EBPL: variants seen among roughly 807,000 people sequenced by gnomAD.
The protein encoded by EBPL is emopamil-binding protein-like.
In EBPL, 20 loss-of-function variants were observed where a neutral mutation model predicts 19.0. That is an observed-to-expected ratio of 1.05 (90% CI 0.74 to 1.53). The LOEUF (loss-of-function observed/expected upper bound fraction) is 1.53. Ranked by LOEUF, EBPL falls within the 40% of genes most tolerant of loss-of-function variation. The probability of loss-of-function intolerance (pLI) is 0.00; values close to 1 mark genes in which losing one functional copy is unlikely to be tolerated. For synonymous variants in EBPL, 107 were observed against 117.0 expected, an observed-to-expected ratio of 0.91 and a Z score of 0.55; for missense variants, 219 against 261.1, an observed-to-expected ratio of 0.84 and a Z score of 1.11.
At chr13:49,682,386 T>C (rs559290861) in intron 1 of EBPL, among the ~76,000 whole-genome samples, 142 of 152,224 alleles carry the variant, frequency 9.3e-4, no homozygotes, top group Admixed American at 1.1e-3. Flanking sequence ...CTCATCTTAA[T>C]TGGACATATA....
At chr13:49,663,809 C>T (rs1406682803) in intron 2 of EBPL, among the ~76,000 whole-genome samples, 2 of 151,900 alleles carry the variant, frequency 1.3e-5, no homozygotes, top group Non-Finnish European at 2.9e-5. Flanking sequence ...TGGTGGCGGG[C>T]ACCTGCAGTC....
At chr13:49,677,986 G>A (rs1953895141) in intron 1 of EBPL, among the ~76,000 whole-genome samples, 1 of 151,480 alleles carries the variant, frequency 6.6e-6, no homozygotes, top group African/African-American at 2.4e-5. Context: ...AAAATTTATT[G>A]CAAAGAGCTA....
intron 1 of EBPL, among the ~76,000 whole-genome samples, chr13:49,682,297 C>T (rs532223680): frequency 8.5e-5 from 13 of 152,182 alleles, no homozygotes; most frequent in Non-Finnish European, 1.9e-4. Flanking sequence ...TCATATTTCT[C>T]CCTTTTTAAG....
rs769120879 is a variant in EBPL, at chr13:49,674,129, GAC to G, written c.172-4285_172-4284del. On this transcript the variant is annotated intron_variant, in intron 1 of 3. Transcript: ENST00000242827. ...TAGAAAATAACTTTTTCTTTTTTTAGACAGAGTCTTGCTCCCCAGGCAGGAGT... is the reference window on the plus strand; with the variant it reads ...TAGAAAATAACTTTTTCTTTTTTTAGAGAGTCTTGCTCCCCAGGCAGGAGT... Among the ~76,000 whole-genome samples, 14 of 151,718 alleles carry G rather than the reference GAC, an allele frequency of 9.2e-5. No individual in the cohort carries two copies. In the East Asian group the frequency reaches 1.2e-3, roughly 13 times the overall value.
At chr13:49,675,230 G>A (rs1376946992) in intron 1 of EBPL, among the ~76,000 whole-genome samples, 1 of 152,188 alleles carries the variant, frequency 6.6e-6, no homozygotes, top group Non-Finnish European at 1.5e-5. Context: ...TTACAAACCT[G>A]TACGGCATTA....
chr13:49,674,423 C>T (rs1953853639), intron 1 of EBPL, among the ~76,000 whole-genome samples: 1 of 152,076 alleles, frequency 6.6e-6, no homozygotes, highest in African/African-American at 2.4e-5. Context: ...TTTTTAAAAA[C>T]CCACCAAAAT....
intron 1 of EBPL, among the ~76,000 whole-genome samples, chr13:49,673,962 T>TACATAC (rs71188372): frequency 1.3e-4 from 19 of 143,376 alleles, no homozygotes; most frequent in African/African-American, 4.6e-4. Flanking sequence ...TGGAACTTAA[T>TACATAC]ACACACACAC....
chr13:49,683,344 G>A (rs891263102), intron 1 of EBPL, among the ~76,000 whole-genome samples: 6 of 151,866 alleles, frequency 4.0e-5, no homozygotes, highest in Admixed American at 1.3e-4. Flanking sequence ...TGGCTAACAC[G>A]GTGAAACCTC....
At chr13:49,686,474 C>A (rs535197584) in intron 1 of EBPL, 2 of 1,286,808 alleles carry the variant, frequency 1.6e-6, no homozygotes, top group African/African-American at 3.1e-5. Flanking sequence ...AGGTGCCTCA[C>A]CTTTTATTTT....
At chr13:49,666,126 G>T (rs1425427593) in intron 2 of EBPL, among the ~76,000 whole-genome samples, 1 of 152,206 alleles carries the variant, frequency 6.6e-6, no homozygotes, top group Non-Finnish European at 1.5e-5. Flanking sequence ...TTCGGGCAGG[G>T]GCCACGCAGG....
intron 1 of EBPL, among the ~76,000 whole-genome samples, chr13:49,687,578 A>C (rs1954012107): frequency 6.6e-6 from 1 of 152,218 alleles, no homozygotes; most frequent in African/African-American, 2.4e-5. Flanking sequence ...GAGAGGTTCT[A>C]GGGTGGTAAA....
At chr13:49,680,466 A>C (rs1953929949) in intron 1 of EBPL, among the ~76,000 whole-genome samples, 4 of 152,224 alleles carry the variant, frequency 2.6e-5, no homozygotes. Context: ...GAAAATGCTG[A>C]ATCTGCTCAC....
intron 2 of EBPL, among the ~76,000 whole-genome samples, chr13:49,667,007 G>T (rs1356489157): frequency 1.3e-5 from 2 of 152,136 alleles, no homozygotes; most frequent in Non-Finnish European, 2.9e-5. Context: ...AGGAGCATGT[G>T]CAAAGGCCTG....
At position 49,671,547 on chromosome 13, in the gene EBPL, T is replaced by C. The variant is rs546471463; in HGVS notation, c.172-1701A>G. 2.0e-5 allele frequency among the ~76,000 whole-genome samples: 3 copies of C among 152,342 alleles called. No homozygotes were observed. The South Asian group carries it at 6.2e-4, about 32-fold the overall frequency. On this transcript the variant is annotated intron_variant, in intron 1 of 3. Coordinates refer to ENST00000242827, the MANE Select transcript of EBPL (RefSeq NM_032565.5). ...CCACTTACTTTGCAACACTTTATTTTTACCAGCCAATTTTTTATTTTTAGC... is the reference window on the plus strand; with the variant it reads ...CCACTTACTTTGCAACACTTTATTTCTACCAGCCAATTTTTTATTTTTAGC...
chr13:49,664,222 G>GCCTGGGCAACAAGA (rs1566312619), intron 2 of EBPL, among the ~76,000 whole-genome samples: 7 of 152,178 alleles, frequency 4.6e-5, no homozygotes, highest in Non-Finnish European at 4.4e-5. Context: ...ACTGCACTCC[G>GCCTGGGCAACAAGA]GCCTGGGCAA....
intron 3 of EBPL, among the ~76,000 whole-genome samples, chr13:49,662,540 T>C (rs1238485989): frequency 1.3e-5 from 2 of 152,184 alleles, no homozygotes; most frequent in African/African-American, 2.4e-5. Context: ...TAGGTTGTTA[T>C]TAAAATAATA....
intron 1 of EBPL, among the ~76,000 whole-genome samples, chr13:49,674,249 C>T (rs927827344): frequency 2.0e-5 from 3 of 152,000 alleles, no homozygotes. Context: ...GTTACAGGTG[C>T]CCGCCACCAT....
intron 2 of EBPL, among the ~76,000 whole-genome samples, chr13:49,667,166 C>G (rs577184932): frequency 1.4e-4 from 21 of 152,182 alleles, no homozygotes; most frequent in Non-Finnish European, 2.8e-4. Flanking sequence ...GCATCTCCCT[C>G]TGGCAGTCCC....
Position 49,691,388 on chromosome 13 carries a change from CG to C in EBPL, c.36del (p.Gly13ValfsTer54). The stretch of plus-strand genomic sequence containing the variant: ...AGCGCGGCGCACAGCAGCAGCGAAC[CG>C]CCAGCCTCGGCCCCCAGCTCCCACT... ...GAEWELGAEA[G>X]GSLLLCAALL... On this transcript the variant is annotated frameshift_variant, in exon 1 of 4. Transcript: ENST00000242827. LOFTEE classifies it high-confidence loss of function. 7.3e-7 allele frequency: 1 copy of C among 1,366,046 alleles called. No homozygotes were observed. The highest frequency in any genetic ancestry group is 9.5e-7 in the Non-Finnish European group (1 of 1,055,890). The allele number at this position is 1,366,046 out of a possible 1,614,324, so 84.6% of individuals were successfully genotyped here.
Sources: allele counts gnomAD v4.1 joint callset (sites outside exome capture counted in the v4.1 genomes callset), GRCh38; gene constraint gnomAD v4.1.1; transcripts MANE v1.5; gene names NCBI Gene and HGNC (gene_info 2026-07-23, HGNC 2026-07-21).